The following UHRF1 variants were observed in gnomAD, a reference collection of about 807,000 sequenced individuals.
The protein encoded by UHRF1 is ubiquitin like with PHD and ring finger domains 1.
A neutral mutation model predicts 96.5 loss-of-function variants in UHRF1; 9 were observed. The ratio of observed to expected loss-of-function variants is 0.09; its 90% CI spans 0.06 to 0.16. The LOEUF is 0.16. Among genes scored for constraint, UHRF1 ranks in the 10% least tolerant of loss-of-function variants. The pLI is 1.00. For missense variants in UHRF1, 626 were observed against 1,131.1 expected, an observed-to-expected ratio of 0.55 and a Z score of 6.40; for synonymous variants, 455 against 469.9, an observed-to-expected ratio of 0.97 and a Z score of 0.41.
rs567461885 is a variant in UHRF1, at chr19:4,909,603, C to A, written c.-63C>A. 8.5e-4 allele frequency: 548 copies of A among 641,366 alleles called. 6 individuals carry two copies. Among genetic ancestry groups the A allele is most frequent in the South Asian group, 6.6e-3 (402 of 61,118 alleles). 39.7% of individuals were successfully genotyped at this position (641,366 alleles called of 1,614,324 possible). A position where few individuals can be genotyped will look rare whatever the true frequency, so the allele number is the denominator to read the frequency against. Reference sequence around the variant, plus strand: ...GCCACGCACGCGGTTTCATCGCCATCCCCAGCCGGGCCACGCGCGCAGGCA... The same window carrying A: ...GCCACGCACGCGGTTTCATCGCCATACCCAGCCGGGCCACGCGCGCAGGCA... On this transcript the variant is annotated 5_prime_UTR_variant, in exon 1 of 17. Coordinates refer to ENST00000650932, the MANE Select transcript of UHRF1 (RefSeq NM_001048201.3).
intron 5 of UHRF1, among the ~76,000 whole-genome samples, chr19:4,935,494 T>C (rs551327707): frequency 6.6e-6 from 1 of 152,274 alleles, no homozygotes; most frequent in Admixed American, 6.5e-5. Flanking sequence ...TTCCAAGCTC[T>C]TGTGGTGGCT....
At chr19:4,941,332 C>T (rs1256923061) in intron 5 of UHRF1, among the ~76,000 whole-genome samples, 196 bp from the exon 6 acceptor site, 2 of 152,108 alleles carry the variant, frequency 1.3e-5, no homozygotes, top group African/African-American at 4.8e-5. Context: ...CTCGGCCTCC[C>T]AGTGTTGGTA....
intron 2 of UHRF1, among the ~76,000 whole-genome samples, chr19:4,915,840 G>A (rs546594909): frequency 3.9e-5 from 6 of 152,350 alleles, no homozygotes; most frequent in Non-Finnish European, 7.3e-5. Context: ...GGGTTTTCTG[G>A]CTAGGAAGAA....
intron 9 of UHRF1, 128 bp from the exon 10 acceptor site, chr19:4,945,733 G>A (rs770246099): frequency 2.2e-5 from 15 of 691,500 alleles, no homozygotes; most frequent in Middle Eastern, 3.9e-4. Flanking sequence ...TAGGTGACTC[G>A]CAGGCCTGAG....
rs771522285 is a variant in UHRF1 at position 4,945,890 on chromosome 19, C to T, written c.1335C>T (p.His445=). 142 of 1,497,488 alleles carry T rather than the reference C, an allele frequency of 9.5e-5. No homozygotes were observed. Among genetic ancestry groups the T allele is most frequent in the Non-Finnish European group, 1.2e-4 (133 of 1,110,206 alleles). 92.8% of individuals were successfully genotyped at this position (1,497,488 alleles called of 1,614,324 possible). A position where few individuals can be genotyped will look rare whatever the true frequency, so the allele number is the denominator to read the frequency against. The stretch of plus-strand genomic sequence containing the variant: ...GCGAGTCGGGTGTCCATCGGCCCCA[C>T]GTGGCTGGCATACACGGCCGGAGCA... ...QVSESGVHRP[H]VAGIHGRSND... is the part of the protein sequence containing the mutation. Residue 445 remains histidine (H), a synonymous_variant, in exon 10 of 17, where the codon CAC becomes CAT. Transcript: ENST00000650932.
Position 4,944,338 on chromosome 19 carries a change from G to T in UHRF1, c.1198-5G>T, listed in dbSNP as rs373018088. The T allele has an allele frequency of 1.2e-6, 2 of 1,614,060 alleles. No individual in the cohort carries two copies. Among genetic ancestry groups the T allele is most frequent in the Non-Finnish European group, 1.7e-6 (2 of 1,179,902 alleles). On this transcript the variant is annotated splice_region_variant and splice_polypyrimidine_tract_variant and intron_variant, in intron 8 of 16. Transcript: ENST00000650932. ...TGTTGTTCTTTGTGTCTGTGCCTGGGACAGGGCATGGCCTGTGTGGGCCGC... is the reference window on the plus strand; with the variant it reads ...TGTTGTTCTTTGTGTCTGTGCCTGGTACAGGGCATGGCCTGTGTGGGCCGC...
chr19:4,933,765 G>A (rs8107449), intron 5 of UHRF1, among the ~76,000 whole-genome samples: 24,998 of 152,076 alleles, frequency 0.16, 2,221 homozygotes, highest in Non-Finnish European at 0.2. Flanking sequence ...GTCCGCTGCC[G>A]GCTTTGACTA....
upstream of UHRF1, among the ~76,000 whole-genome samples, chr19:4,905,497 G>A (rs150995803): frequency 4.8e-3 from 723 of 151,240 alleles, 2 homozygotes; most frequent in African/African-American, 0.017. Context: ...GTTAGTGTTA[G>A]TGTATTTTAT....
chr19:4,936,302 T>C (rs1382351822), intron 5 of UHRF1, among the ~76,000 whole-genome samples: 1 of 152,176 alleles, frequency 6.6e-6, no homozygotes, highest in Non-Finnish European at 1.5e-5. Flanking sequence ...TCAGGCATCA[T>C]ACAAGATGAG....
chr19:4,956,739 A>G lies in UHRF1; in HGVS notation c.2161A>G (p.Thr721Ala). Residue 721 changes from threonine to alanine, a missense_variant, in exon 16 of 17, where the codon ACG (threonine) becomes GCG (alanine). By Grantham distance (58) the Thr-to-Ala change is moderately conservative. Coordinates refer to ENST00000650932, the MANE Select transcript of UHRF1 (RefSeq NM_001048201.3). ...GTTGTTCCTGAGTAAAGTGGAGGAG[A>G]CGTTCCAGTGTATCTGCTGTCAGGA... is the stretch of plus-strand genomic sequence containing the variant. Reference protein sequence around the residue: ...FQLFLSKVEETFQCICCQELV... With the variant: ...FQLFLSKVEEAFQCICCQELV... 1 of 1,612,364 alleles carries G rather than the reference A, an allele frequency of 6.2e-7. No homozygotes were observed. The highest frequency in any genetic ancestry group is 1.7e-5 in the Admixed American group (1 of 59,810).
chr19:4,941,954 C>CGG, intron 7 of UHRF1, 23 bp downstream of exon 7: 1 of 1,464,162 alleles, frequency 6.8e-7, no homozygotes, highest in Middle Eastern at 1.8e-4. Context: ...CTGCCCGCCG[C>CGG]GGGGAGACCA....
At chr19:4,920,969 C>T (rs935734717) in intron 2 of UHRF1, among the ~76,000 whole-genome samples, 1 of 151,432 alleles carries the variant, frequency 6.6e-6, no homozygotes, top group African/African-American at 2.4e-5. Flanking sequence ...ACTAAAAATA[C>T]AAACATTAGC....
At chr19:4,915,435 G>C (rs2779165) in intron 2 of UHRF1, among the ~76,000 whole-genome samples, 132,268 of 152,290 alleles carry the variant, frequency 0.87, 57,859 homozygotes, top group East Asian at 1. Flanking sequence ...CAGGTATGGC[G>C]GGGCCCAGTG....
At chr19:4,909,420 C>A (rs767337049), upstream of UHRF1, 16 of 651,748 alleles carry the variant, frequency 2.5e-5, no homozygotes, top group South Asian at 2.4e-4. Flanking sequence ...GTCGGCCAAT[C>A]AGGAGGCAGG....
At chr19:4,947,419 T>A (rs2033596834) in intron 11 of UHRF1, among the ~76,000 whole-genome samples, 1 of 148,878 alleles carries the variant, frequency 6.7e-6, no homozygotes, top group Non-Finnish European at 1.5e-5. Flanking sequence ...CTCCCGTATG[T>A]GTGCCACATA....
Position 4,930,255 on chromosome 19 carries a change from G to A in UHRF1, c.409-461G>A, listed in dbSNP as rs78981708. On this transcript the variant is annotated intron_variant, in intron 3 of 16. Coordinates refer to ENST00000650932, the MANE Select transcript of UHRF1 (RefSeq NM_001048201.3). The surrounding 1 kb of genome is among the most constrained non-coding windows in gnomAD (Gnocchi z 4.4). Reference sequence around the variant, plus strand: ...CTCCCAAAGTGCTGGAATTATAGGTGTGAGCCACTGCACCCAGTCTGTTTT... The same window carrying A: ...CTCCCAAAGTGCTGGAATTATAGGTATGAGCCACTGCACCCAGTCTGTTTT... Among the ~76,000 whole-genome samples the A allele has an allele frequency of 1.3e-5, 2 of 152,340 alleles. No homozygotes were observed. Among genetic ancestry groups the A allele is most frequent in the East Asian group, 3.9e-4 (2 of 5,188 alleles).
chr19:4,941,570 A>C lies in UHRF1; in HGVS notation c.828A>C (p.Glu276Asp), dbSNP rs746537375. 1.4e-5 allele frequency: 23 copies of C among 1,613,834 alleles called. No homozygotes were observed. Among genetic ancestry groups the C allele is most frequent in the South Asian group, 2.2e-5 (2 of 91,032 alleles). ...LNDCRIIFVDEVFKIERPGEG... is the reference protein window; with the variant it reads ...LNDCRIIFVDDVFKIERPGEG... Reference sequence around the variant, plus strand: ...ACTGTCGGATCATCTTCGTGGACGAAGTCTTCAAGATTGAGCGGCCGGGTG... The same window carrying C: ...ACTGTCGGATCATCTTCGTGGACGACGTCTTCAAGATTGAGCGGCCGGGTG... Residue 276 changes from glutamate (E) to aspartate (D), a missense_variant, in exon 6 of 17, where the codon GAA (glutamate) becomes GAC (aspartate). Physicochemically the swap from Glu to Asp is conservative, Grantham distance 45 (BLOSUM62 2). Transcript: ENST00000650932.
chr19:4,932,757 G>A lies in UHRF1; in HGVS notation c.586G>A (p.Val196Met), dbSNP rs187926399. 1.5e-5 allele frequency: 25 copies of A among 1,613,846 alleles called. No homozygotes were observed. The highest frequency in any genetic ancestry group is 1.3e-4 in the African/African-American group (10 of 75,050). Residue 196 changes from valine to methionine, a missense_variant, in exon 5 of 17, where the codon GTG becomes ATG. Physicochemically the swap from Val to Met is conservative, Grantham distance 21. This residue lies in a region of UHRF1 where 198 missense variants were observed against 235.1 expected (regional missense o/e 0.84). Transcript: ENST00000650932. ...TCCTCCCAGCTACCCGGAGAACGGC[G>A]TGGTCCAGATGAACTCCAGGGACGT... ...VKYDDYPENG[V>M]VQMNSRDVRA... is the part of the protein sequence containing the mutation.
rs1466992770 is a variant in UHRF1, at chr19:4,904,442, G to C, written c.-11+797G>C. Among the ~76,000 whole-genome samples, 4 of 152,178 alleles carry C rather than the reference G, an allele frequency of 2.6e-5. No individual in the cohort carries two copies. The East Asian group carries it at 7.7e-4, about 29-fold the overall frequency. ...GATCCGCCCACCTTGGCCTCCCAAA[G>C]TGCTGGGATTACAGGCGTGAGCCAC... On this transcript the variant is annotated intron_variant, in intron 1 of 16. Transcript: ENST00000612630.
Sources: allele counts gnomAD v4.1 joint callset (sites outside exome capture counted in the v4.1 genomes callset), GRCh38; gene constraint gnomAD v4.1.1; regional missense constraint gnomAD v4.1.1; non-coding constraint Gnocchi (gnomAD v3.1); transcripts MANE v1.5; gene names NCBI Gene and HGNC (gene_info 2026-07-23, HGNC 2026-07-21).